NFATC2: variants seen among roughly 807,000 people sequenced by gnomAD.
The protein encoded by NFATC2 is nuclear factor of activated T cells 2.
A neutral mutation model predicts 87.3 loss-of-function variants in NFATC2; 22 were observed. That is an observed-to-expected ratio of 0.25 (90% CI 0.18 to 0.36). The LOEUF (loss-of-function observed/expected upper bound fraction) is 0.36, where lower values mean the gene tolerates loss of function less well. NFATC2 is among the 10% of genes least tolerant of loss of function. NFATC2 has a pLI of 1.00. For missense variants in NFATC2, 1,149 were observed against 1,259.1 expected (o/e 0.91, Z 1.32); for synonymous variants, 565 against 542.2 (o/e 1.04, Z -0.58).
intron 10 of NFATC2, among the ~76,000 whole-genome samples, chr20:51,397,841 T>G (rs142223294): frequency 1.6e-3 from 240 of 152,286 alleles, no homozygotes; most frequent in African/African-American, 5.5e-3. Flanking sequence ...GCTGGTTTAT[T>G]CCGATTAGAA....
In NFATC2 at chr20:51,469,366, C is replaced by CAA. The variant is rs543848579; in HGVS notation, c.1708+4612_1708+4613dup. 3.3e-3 allele frequency among the ~76,000 whole-genome samples: 507 copies of CAA among 152,198 alleles called. 1 individual carries two copies. The highest frequency in any genetic ancestry group is 6.5e-3 in the Admixed American group (100 of 15,276). On this transcript the variant is annotated intron_variant, in intron 5 of 10. Transcript: ENST00000371564. Reference sequence around the variant, plus strand: ...CTCCCGGGTAATTCTAACATACAGTCAAGTTTGAGATGCTCTGGGCAGAGG... The same window carrying CAA: ...CTCCCGGGTAATTCTAACATACAGTCAAAAGTTTGAGATGCTCTGGGCAGAGG...
rs780192383 is a variant in NFATC2, at chr20:51,542,479, C to A, written c.21G>T (p.Gln7His). 2.6e-6 allele frequency: 4 copies of A among 1,557,238 alleles called. No individual in the cohort carries two copies. The South Asian group carries it at 3.5e-5, about 14-fold the overall frequency. MNAPER[Q>H]PQPDGGDAPG... ...GGGCGTCCCCGCCGTCGGGTTGGGG[C>A]TGCCGCTCGGGGGCGTTCATGGCGC... The change falls in exon 1 of 11, where the codon CAG becomes CAT. Residue 7 changes from glutamine to histidine, a missense_variant. Gln to His is a conservative substitution (Grantham distance 24, BLOSUM62 0). Transcript: ENST00000371564.
chr20:51,430,671 A>C (rs1379255104), intron 9 of NFATC2, among the ~76,000 whole-genome samples: 4 of 152,174 alleles, frequency 2.6e-5, no homozygotes, highest in Non-Finnish European at 2.9e-5. Context: ...AGAATACCAG[A>C]AGTCACAGAG....
chr20:51,456,010 G>A (rs1986480087), intron 5 of NFATC2, among the ~76,000 whole-genome samples: 1 of 129,268 alleles, frequency 7.7e-6, no homozygotes, highest in Admixed American at 7.7e-5. Context: ...ATGAGTGGAT[G>A]GGTGGGTGGG....
At chr20:51,510,435 G>A (rs938823045) in intron 3 of NFATC2, among the ~76,000 whole-genome samples, 24 of 152,202 alleles carry the variant, frequency 1.6e-4, no homozygotes, top group African/African-American at 5.3e-4. Context: ...ATCCTGTCCT[G>A]AAACAGGGCG....
chr20:51,503,005 A>AT (rs1326679992), intron 3 of NFATC2, among the ~76,000 whole-genome samples: 17 of 152,340 alleles, frequency 1.1e-4, no homozygotes, highest in Admixed American at 1.0e-3. Context: ...TTAGGAAGGT[A>AT]AAATGTGCTG....
chr20:51,399,240 C>G (rs765711162), intron 9 of NFATC2: 2 of 153,256 alleles, frequency 1.3e-5, no homozygotes, highest in African/African-American at 2.4e-5. Flanking sequence ...TGTTTTTTGT[C>G]AACAATGGAA....
At chr20:51,473,931 C>A (rs751773363) in intron 5 of NFATC2, 49 bp downstream of exon 5, 14 of 1,587,796 alleles carry the variant, frequency 8.8e-6, no homozygotes, top group African/African-American at 2.7e-5. Flanking sequence ...GGGAAGCCCA[C>A]GTGCCCTACG....
intron 5 of NFATC2, among the ~76,000 whole-genome samples, chr20:51,465,496 G>T (rs558225176): frequency 6.6e-6 from 1 of 151,912 alleles, no homozygotes. Flanking sequence ...CCTCACCTCC[G>T]ACCCCTCACC....
rs1363816306 is a variant in NFATC2, at chr20:51,475,666, G to A, written c.1333-6C>T. On this transcript the variant is annotated splice_polypyrimidine_tract_variant and splice_region_variant and intron_variant, in intron 3 of 10. Coordinates refer to ENST00000371564, the MANE Select transcript of NFATC2 (RefSeq NM_012340.5). ...TTTTCCATGTAGCCATGGAGCTGGT[G>A]GGGGAGAAAACAAAATCATTAAGGT... 2 of 1,613,814 alleles carry A rather than the reference G, an allele frequency of 1.2e-6. No individual in the cohort carries two copies. The highest frequency in any genetic ancestry group is 1.6e-4 in the Middle Eastern group (1 of 6,074).
chr20:51,501,763 G>A (rs762447706), intron 3 of NFATC2, among the ~76,000 whole-genome samples: 2 of 152,036 alleles, frequency 1.3e-5, no homozygotes, highest in Non-Finnish European at 1.5e-5. Flanking sequence ...CCACCTCCAC[G>A]AGAGCTCGGG....
rs548188846 is a variant in NFATC2 at position 51,449,432 on chromosome 20, G to A, written c.1849+5116C>T. Among the ~76,000 whole-genome samples the A allele has an allele frequency of 4.6e-5, 7 of 152,216 alleles. No homozygotes were observed. In the South Asian group the frequency reaches 6.2e-4, roughly 14 times the overall value. On this transcript the variant is annotated intron_variant, in intron 6 of 10. Transcript: ENST00000371564. ...CTAACACCCCCGATTGTCTCTTGTC[G>A]TTAATCCAGGAACTACATTCACCTG...
chr20:51,508,352 G>A (rs1207416125), intron 3 of NFATC2, among the ~76,000 whole-genome samples: 5 of 152,208 alleles, frequency 3.3e-5, no homozygotes, highest in South Asian at 2.1e-4. Flanking sequence ...GGTCTCAATC[G>A]TTTCACAAGT....
chr20:51,454,705 G>T lies in NFATC2; in HGVS notation c.1709-17C>A. The stretch of plus-strand genomic sequence containing the variant: ...ATCGCTGGGCTGCAGGCAAAAGAGA[G>T]AGAAGTCACTGTGATAAGGGGAGAT... On this transcript the variant is annotated splice_polypyrimidine_tract_variant and intron_variant, in intron 5 of 10. Transcript: ENST00000371564. The T allele has an allele frequency of 6.2e-7, 1 of 1,613,450 alleles. No individual in the cohort carries two copies.
intron 5 of NFATC2, among the ~76,000 whole-genome samples, chr20:51,466,709 C>T (rs186889586): frequency 1.3e-5 from 2 of 152,250 alleles, no homozygotes; most frequent in African/African-American, 4.8e-5. Context: ...ATGCAAAAAG[C>T]ACTAATCCCA....
chr20:51,405,865 C>G (rs1488906423), intron 9 of NFATC2, among the ~76,000 whole-genome samples: 1 of 152,230 alleles, frequency 6.6e-6, no homozygotes, highest in African/African-American at 2.4e-5. Flanking sequence ...CAACCTCCGC[C>G]TCCCAGGTTC....
At chr20:51,497,151 A>G (rs755465653) in intron 3 of NFATC2, among the ~76,000 whole-genome samples, 7 of 152,158 alleles carry the variant, frequency 4.6e-5, no homozygotes, top group African/African-American at 7.2e-5. Flanking sequence ...AAGTCCCAAC[A>G]AGCTTCCCAA....
chr20:51,465,586 C>A (rs1987601241), intron 5 of NFATC2, among the ~76,000 whole-genome samples: 1 of 152,122 alleles, frequency 6.6e-6, no homozygotes, highest in African/African-American at 2.4e-5. Flanking sequence ...GCCTCAGGGC[C>A]TTTGTACTGG....
intron 3 of NFATC2, among the ~76,000 whole-genome samples, chr20:51,506,814 G>A (rs2076190905): frequency 6.6e-6 from 1 of 152,164 alleles, no homozygotes; most frequent in Non-Finnish European, 1.5e-5. Context: ...CAGCTGACAG[G>A]TGCTTAGAAA....
Sources: gnomAD v4.1 joint callset for allele counts (sites outside exome capture counted in the v4.1 genomes callset) on GRCh38, gnomAD v4.1.1 for gene constraint, MANE v1.5 for transcripts, NCBI Gene and HGNC (gene_info 2026-07-23, HGNC 2026-07-21) for gene names.